The following NXPH2 variants were observed in gnomAD, a reference collection of about 807,000 sequenced individuals.
The protein encoded by NXPH2 is neurexophilin 2.
A neutral mutation model predicts 19.8 loss-of-function variants in NXPH2; 5 were observed. That is an observed-to-expected ratio of 0.25 (90% CI 0.13 to 0.53). The LOEUF (loss-of-function observed/expected upper bound fraction) is 0.53, where lower values mean the gene tolerates loss of function less well. Among genes scored for constraint, NXPH2 ranks in the 20% least tolerant of loss-of-function variants. The pLI is 0.96. For missense variants in NXPH2, 289 were observed against 322.8 expected (o/e 0.90, Z 0.80); for synonymous variants, 154 against 127.4 (o/e 1.21, Z -1.41).
At chr2:138,761,663 G>A (rs1458058570) in intron 1 of NXPH2, among the ~76,000 whole-genome samples, 2 of 152,176 alleles carry the variant, frequency 1.3e-5, no homozygotes, top group African/African-American at 2.4e-5. Context: ...TTGGGCTTTA[G>A]TACCCAAGTA....
intron 1 of NXPH2, among the ~76,000 whole-genome samples, chr2:138,679,710 T>C (rs773040510): frequency 7.2e-5 from 11 of 152,140 alleles, no homozygotes; most frequent in Non-Finnish European, 1.3e-4. Context: ...GAGGCCTGAA[T>C]ATATGCCCTT....
chr2:138,780,023 A>G (rs1405317702), intron 1 of NXPH2, among the ~76,000 whole-genome samples, 168 bp downstream of exon 1: 8 of 152,084 alleles, frequency 5.3e-5, no homozygotes, highest in African/African-American at 7.2e-5. Flanking sequence ...CCGTTCTTCA[A>G]TTCTTCCCTT....
chr2:138,677,816 C>T (rs1426226650), intron 1 of NXPH2, among the ~76,000 whole-genome samples: 1 of 152,046 alleles, frequency 6.6e-6, no homozygotes, highest in Admixed American at 6.6e-5. Flanking sequence ...TTTTAATAAA[C>T]ATTTTTATTT....
intron 1 of NXPH2, among the ~76,000 whole-genome samples, chr2:138,745,495 G>GT (rs1434989881): frequency 1.1e-4 from 2 of 17,608 alleles, no homozygotes; most frequent in Non-Finnish European, 3.2e-4. Flanking sequence ...TTTTTTGGCG[G>GT]GGGGGGGGGG....
chr2:138,779,551 G>A (rs973521211), intron 1 of NXPH2, among the ~76,000 whole-genome samples: 3 of 151,968 alleles, frequency 2.0e-5, no homozygotes, highest in Non-Finnish European at 2.9e-5. Flanking sequence ...CCCGAGAGGG[G>A]GCTCCTGCGC....
Position 138,693,926 on chromosome 2 carries a change from G to A in NXPH2, c.52-22261C>T, listed in dbSNP as rs564923458. 1.8e-3 allele frequency among the ~76,000 whole-genome samples: 277 copies of A among 152,228 alleles called. 1 individual carries two copies. Among genetic ancestry groups the A allele is most frequent in the Non-Finnish European group, 3.1e-3 (211 of 68,004 alleles). On this transcript the variant is annotated intron_variant, in intron 1 of 1. Coordinates refer to ENST00000272641, the MANE Select transcript of NXPH2 (RefSeq NM_007226.3). ...AAAATTCCTGGGCAATCAAAACCTG[G>A]TAGGCTTTAAAAATAGCCTTCATCT...
intron 1 of NXPH2, among the ~76,000 whole-genome samples, chr2:138,741,977 C>T (rs748626512): frequency 2.6e-5 from 4 of 152,166 alleles, no homozygotes; most frequent in Non-Finnish European, 5.9e-5. Flanking sequence ...GAGCATATTG[C>T]TCTCTATTTA....
chr2:138,763,406 C>T (rs1316966924), intron 1 of NXPH2, among the ~76,000 whole-genome samples: 1 of 151,976 alleles, frequency 6.6e-6, no homozygotes, highest in African/African-American at 2.4e-5. Flanking sequence ...TATAAAAATA[C>T]ATTAAAAAAT....
chr2:138,677,417 C>T (rs1161298465), intron 1 of NXPH2, among the ~76,000 whole-genome samples: 1 of 152,144 alleles, frequency 6.6e-6, no homozygotes. Flanking sequence ...AAAGCACACA[C>T]ATTAGCTAGA....
At chr2:138,680,470 G>C (rs570973456) in intron 1 of NXPH2, among the ~76,000 whole-genome samples, 5 of 152,152 alleles carry the variant, frequency 3.3e-5, no homozygotes, top group Admixed American at 2.0e-4. Flanking sequence ...CCACATTTGT[G>C]CTGTAGGCAC....
chr2:138,751,204 GC>G (rs1336255626), intron 1 of NXPH2, among the ~76,000 whole-genome samples: 2 of 152,042 alleles, frequency 1.3e-5, no homozygotes, highest in Non-Finnish European at 2.9e-5. Context: ...AAGGTACTTG[GC>G]AAAAACATTT....
At chr2:138,721,817 T>C (rs561105925) in intron 1 of NXPH2, among the ~76,000 whole-genome samples, 1 of 152,342 alleles carries the variant, frequency 6.6e-6, no homozygotes, top group South Asian at 2.1e-4. Flanking sequence ...GTAACCTTGT[T>C]AGCAAGTGGG....
At chr2:138,776,466 A>C (rs545191844) in intron 1 of NXPH2, among the ~76,000 whole-genome samples, 1 of 152,180 alleles carries the variant, frequency 6.6e-6, no homozygotes, top group South Asian at 2.1e-4. Flanking sequence ...AGGGAATACA[A>C]CTTGTACTGG....
chr2:138,752,320 C>T (rs1050584516), intron 1 of NXPH2, among the ~76,000 whole-genome samples: 2 of 152,082 alleles, frequency 1.3e-5, no homozygotes, highest in South Asian at 2.1e-4. Flanking sequence ...CAGTAGAGTT[C>T]TTGGCACAAA....
At chr2:138,690,889 C>T (rs773977345) in intron 1 of NXPH2, among the ~76,000 whole-genome samples, 25 of 152,216 alleles carry the variant, frequency 1.6e-4, no homozygotes, top group Admixed American at 3.3e-4. Context: ...AGAAACCCAA[C>T]ACGAGATGCA....
At chr2:138,760,510 T>C (rs1007271487) in intron 1 of NXPH2, among the ~76,000 whole-genome samples, 3 of 152,196 alleles carry the variant, frequency 2.0e-5, no homozygotes, top group Non-Finnish European at 2.9e-5. Context: ...GCTGTCAGGG[T>C]CCTGAATAAA....
At chr2:138,695,936 G>C (rs1448737012) in intron 1 of NXPH2, among the ~76,000 whole-genome samples, 3 of 152,058 alleles carry the variant, frequency 2.0e-5, no homozygotes, top group African/African-American at 4.8e-5. Flanking sequence ...ATCCCTTGAG[G>C]ACTGGAGTTC....
chr2:138,671,749 T>G, intron 1 of NXPH2, 84 bp from the exon 2 acceptor site: 3 of 1,293,126 alleles, frequency 2.3e-6, no homozygotes, highest in Non-Finnish European at 2.1e-6. Flanking sequence ...GCAAGGGAAA[T>G]TATTTCAACA....
chr2:138,771,941 A>G (rs1385050248), intron 1 of NXPH2, among the ~76,000 whole-genome samples: 2 of 152,192 alleles, frequency 1.3e-5, no homozygotes, highest in African/African-American at 4.8e-5. Flanking sequence ...TCATTAAAAG[A>G]AAGAAAAAGA....
Sources: gnomAD v4.1 joint callset for allele counts (sites outside exome capture counted in the v4.1 genomes callset) on GRCh38, gnomAD v4.1.1 for gene constraint, MANE v1.5 for transcripts, NCBI Gene and HGNC (gene_info 2026-07-23, HGNC 2026-07-21) for gene names.